Variants in U2SURP observed in about 807,000 individuals in gnomAD.
U2SURP encodes the protein U2 snRNP-associated SURP motif-containing protein.
A neutral mutation model predicts 144.9 loss-of-function variants in U2SURP; 9 were observed. That is an observed-to-expected ratio of 0.06 (90% CI 0.04 to 0.11). The LOEUF is 0.11. U2SURP is among the 10% of genes least tolerant of loss of function. U2SURP has a pLI of 1.00. For missense variants in U2SURP, 724 were observed against 1,226.7 expected (o/e 0.59, Z 6.12); for synonymous variants, 408 against 396.8 (o/e 1.03, Z -0.33).
In U2SURP at chr3:143,033,005, G is replaced by T. The variant is rs898259322; in HGVS notation, c.1773+59G>T. 10 of 1,559,856 alleles carry T rather than the reference G, an allele frequency of 6.4e-6. No homozygotes were observed. The African/African-American group carries it at 1.1e-4, about 17-fold the overall frequency. ...GTTGACGTCTTTTGGGATTAGAATT[G>T]GTTTCCTTTTTGCACAAAGCACTTG... On this transcript the variant is annotated intron_variant, in intron 17 of 27. Coordinates refer to ENST00000473835, the MANE Select transcript of U2SURP (RefSeq NM_001080415.2).
chr3:143,010,712 A>G, intron 1 of U2SURP, 103 bp from the exon 2 acceptor site: 1 of 756,406 alleles, frequency 1.3e-6, no homozygotes, highest in Non-Finnish European at 2.0e-6. Context: ...CTGAGGAGAA[A>G]TTGCCAGAAG....
Position 143,054,926 on chromosome 3 carries a change from G to T in U2SURP, c.2775-17G>T. 1 of 1,567,994 alleles carries T rather than the reference G, an allele frequency of 6.4e-7. No homozygotes were observed. The highest frequency in any genetic ancestry group is 1.2e-5 in the South Asian group (1 of 82,604). On this transcript the variant is annotated splice_polypyrimidine_tract_variant and intron_variant, in intron 26 of 27. Transcript: ENST00000473835. ...CTTTGCTCATTTATGGAATGTTTTG[G>T]GGGCTTTGTTCCATAGGAAGAGGCG...
chr3:143,035,534 A>G (rs1933764851), intron 19 of U2SURP, among the ~76,000 whole-genome samples: 1 of 152,220 alleles, frequency 6.6e-6, no homozygotes, highest in Admixed American at 6.5e-5. Context: ...AATTTTGACC[A>G]TAAGTTAGAA....
rs1409890714 is a variant in U2SURP at position 143,058,350 on chromosome 3, G to A, written c.*1900G>A. The A allele has an allele frequency of 4.0e-5, 6 of 151,802 alleles. No homozygotes were observed. In the East Asian group the frequency reaches 1.2e-3, roughly 29 times the overall value. 9.4% of individuals were successfully genotyped at this position (151,802 alleles called of 1,614,324 possible). On this transcript the variant is annotated 3_prime_UTR_variant, in exon 28 of 28. Transcript: ENST00000473835. ...AAAAAAAGACATCCTGCGGGATTGA[G>A]TAGAAAATTTTAGGTCAGTTTTGGG...
In U2SURP at chr3:143,009,017, G is replaced by A. The variant is rs189093686; in HGVS notation, c.46-1798G>A. ...GGCCTCCCAAAGTGCTCGGATTACA[G>A]GCGTGAGCCACTGCACCTGGCCCAG... On this transcript the variant is annotated intron_variant, in intron 1 of 27. Transcript: ENST00000473835. Among the ~76,000 whole-genome samples, 1,283 of 152,244 alleles carry A rather than the reference G, an allele frequency of 8.4e-3. 6 individuals carry two copies. The highest frequency in any genetic ancestry group is 0.014 in the Non-Finnish European group (951 of 68,024).
intron 22 of U2SURP, 92 bp from the exon 23 acceptor site, chr3:143,038,802 C>G: frequency 1.1e-6 from 1 of 923,956 alleles, no homozygotes; most frequent in Non-Finnish European, 1.6e-6. Context: ...GTAATATAAA[C>G]TTTTCAATTC....
At position 143,054,928 on chromosome 3, in the gene U2SURP, G is replaced by T. The variant is rs1341011353; in HGVS notation, c.2775-15G>T. The stretch of plus-strand genomic sequence containing the variant: ...TTGCTCATTTATGGAATGTTTTGGG[G>T]GCTTTGTTCCATAGGAAGAGGCGAC... On this transcript the variant is annotated splice_polypyrimidine_tract_variant and intron_variant, in intron 26 of 27. Transcript: ENST00000473835. The T allele has an allele frequency of 1.3e-6, 2 of 1,571,504 alleles. No homozygotes were observed. The highest frequency in any genetic ancestry group is 1.7e-6 in the Non-Finnish European group (2 of 1,165,748).
chr3:143,002,214 C>T (rs1388907580), intron 1 of U2SURP: 1 of 188,858 alleles, frequency 5.3e-6, no homozygotes, highest in Non-Finnish European at 1.1e-5. Flanking sequence ...AGCAGCTCTC[C>T]TTTGCAGTGC....
intron 10 of U2SURP, 157 bp downstream of exon 10, chr3:143,021,712 A>G: frequency 2.9e-6 from 2 of 680,054 alleles, no homozygotes; most frequent in Non-Finnish European, 4.9e-6. Context: ...TTGTCTTGCC[A>G]CATATTCTTG....
chr3:143,038,265 C>CTT (rs1933916980), intron 22 of U2SURP, 62 bp downstream of exon 22: 1 of 1,227,036 alleles, frequency 8.1e-7, no homozygotes, highest in African/African-American at 1.6e-5. Context: ...TATTGGTGTG[C>CTT]TTGTATATAT....
At position 143,056,508 on chromosome 3, in the gene U2SURP, G is replaced by T; in HGVS notation, c.*58G>T. On this transcript the variant is annotated 3_prime_UTR_variant, in exon 28 of 28. Transcript: ENST00000473835. The stretch of plus-strand genomic sequence containing the variant: ...AATGCGATTTGTTTTGTGCCTGAAC[G>T]GTCTGTTTTTTAAAAAAACAAAAAA... The T allele has an allele frequency of 1.3e-6, 2 of 1,569,398 alleles. No homozygotes were observed. Among genetic ancestry groups the T allele is most frequent in the Admixed American group, 2.0e-5 (1 of 50,202 alleles).
chr3:143,034,941 C>A lies in U2SURP; in HGVS notation c.1907C>A (p.Thr636Lys). 6.4e-7 allele frequency: 1 copy of A among 1,574,680 alleles called. No homozygotes were observed. The change falls in exon 19 of 28, where the codon ACA becomes AAA. Residue 636 changes from threonine to lysine, a missense_variant. This residue lies in a region of U2SURP where 116 missense variants were observed against 167.9 expected (regional missense o/e 0.69). Transcript: ENST00000473835. ...IFSDLNATYR[T>K]IQGHLQSENF... ...TCAGACCTCAATGCCACCTATCGTACAATTCAAGGCCATTTACAATCTGAA... is the reference window on the plus strand; with the variant it reads ...TCAGACCTCAATGCCACCTATCGTAAAATTCAAGGCCATTTACAATCTGAA...
intron 10 of U2SURP, 125 bp downstream of exon 10, chr3:143,021,680 T>A (rs1936642718): frequency 1.1e-6 from 1 of 922,916 alleles, no homozygotes; most frequent in Non-Finnish European, 1.6e-6. Context: ...TCTTTAGAGT[T>A]GTCTTACTGG....
chr3:143,031,781 A>G (rs1017723380), intron 16 of U2SURP, among the ~76,000 whole-genome samples: 6 of 152,214 alleles, frequency 3.9e-5, no homozygotes, highest in Admixed American at 2.0e-4. Context: ...ACTGCAGTCT[A>G]TAAATCTTAA....
chr3:143,008,488 T>C (rs974417704), intron 1 of U2SURP, among the ~76,000 whole-genome samples: 2 of 152,362 alleles, frequency 1.3e-5, no homozygotes, highest in East Asian at 3.9e-4. Flanking sequence ...CTTTGGAATT[T>C]AGAGCGGTTG....
At chr3:143,041,832 CGTTTGTT>C (rs1326864532) in intron 23 of U2SURP, among the ~76,000 whole-genome samples, 5 of 151,882 alleles carry the variant, frequency 3.3e-5, no homozygotes, top group African/African-American at 9.7e-5. Context: ...GGCAAAACAG[CGTTTGTT>C]CTGGGTTATG....
chr3:143,017,084 G>T (rs1936408980), intron 6 of U2SURP, 109 bp downstream of exon 6: 1 of 1,075,090 alleles, frequency 9.3e-7, no homozygotes. Context: ...TGGGGGCAGG[G>T]TGGTAGATGT....
intron 27 of U2SURP, among the ~76,000 whole-genome samples, chr3:143,055,868 A>C (rs987106036): frequency 1.3e-5 from 2 of 152,182 alleles, no homozygotes; most frequent in African/African-American, 4.8e-5. Flanking sequence ...ATGATACTGC[A>C]GTAGTTGTTT....
chr3:143,054,983 A>T lies in U2SURP; in HGVS notation c.2815A>T (p.Ser939Cys), dbSNP rs917335272. The T allele has an allele frequency of 6.2e-7, 1 of 1,609,876 alleles. No individual in the cohort carries two copies. The highest frequency in any genetic ancestry group is 1.3e-5 in the African/African-American group (1 of 74,982). Residue 939 changes from serine to cysteine, a missense_variant, in exon 27 of 28, where the codon AGC becomes TGC. Around this residue, in one of 13 missense-constraint regions of U2SURP, gnomAD observed 129 missense variants for 196.1 expected, o/e 0.66. Transcript: ENST00000473835. ...TACATCCCCCAGCCCATCTCGCAGT[A>T]GCAGTGGTAGACGAGTGAAATCCCC... ...HSTSPSPSRSSSGRRVKSPSP... is the reference protein window; with the variant it reads ...HSTSPSPSRSCSGRRVKSPSP...
Sources: gnomAD v4.1 joint callset for allele counts (sites outside exome capture counted in the v4.1 genomes callset) on GRCh38, gnomAD v4.1.1 for gene constraint, gnomAD v4.1.1 regional missense constraint, MANE v1.5 for transcripts, NCBI Gene and HGNC (gene_info 2026-07-23, HGNC 2026-07-21) for gene names.